The following UNC13C variants were observed in gnomAD, a reference collection of about 807,000 sequenced individuals.
UNC13C encodes the protein unc-13 homolog C, also known as protein unc-13 homolog C.
Under a neutral mutation model 245.4 loss-of-function variants are expected in UNC13C, and 174 were observed. The observed-to-expected ratio is 0.71, with a 90% CI of 0.63 to 0.80. The LOEUF is 0.80. UNC13C is among the 30% of genes least tolerant of loss of function. UNC13C has a pLI of 0.00. For missense variants in UNC13C, 2,829 were observed against 2,602.9 expected (o/e 1.09, Z -1.89); for synonymous variants, 992 against 895.1 (o/e 1.11, Z -1.93).
intron 2 of UNC13C, among the ~76,000 whole-genome samples, chr15:54,076,543 G>A (rs1464034146): frequency 6.6e-6 from 1 of 151,992 alleles, no homozygotes; most frequent in Admixed American, 6.5e-5. Context: ...GAAACATTCA[G>A]GTTAATTATT....
At chr15:54,125,441 C>T (rs75300986) in intron 2 of UNC13C, among the ~76,000 whole-genome samples, 4,825 of 152,022 alleles carry the variant, frequency 0.032, 122 homozygotes, top group East Asian at 0.092. Context: ...CCAGCCCGGG[C>T]GACAGTGTGA....
chr15:54,509,071 C>T (rs1894615783), intron 23 of UNC13C, among the ~76,000 whole-genome samples: 1 of 152,062 alleles, frequency 6.6e-6, no homozygotes, highest in African/African-American at 2.4e-5. Flanking sequence ...TGGTGGCGTG[C>T]ACCTGTAATC....
At chr15:54,527,816 T>A (rs1050665767) in intron 25 of UNC13C, among the ~76,000 whole-genome samples, 3 of 152,226 alleles carry the variant, frequency 2.0e-5, no homozygotes, top group African/African-American at 7.2e-5. Context: ...ATGGGCTACA[T>A]GTCATGCTTT....
chr15:54,285,550 A>G (rs961226124), intron 10 of UNC13C, among the ~76,000 whole-genome samples: 9 of 152,206 alleles, frequency 5.9e-5, no homozygotes, highest in African/African-American at 2.2e-4. Flanking sequence ...AGCTGTAACT[A>G]GAGAATTTAA....
intron 19 of UNC13C, among the ~76,000 whole-genome samples, chr15:54,469,034 A>C (rs976467720): frequency 6.6e-6 from 1 of 151,630 alleles, no homozygotes; most frequent in African/African-American, 2.4e-5. Context: ...AGCACTATGG[A>C]CATTTTAACA....
chr15:54,443,471 T>G (rs1289449004), intron 19 of UNC13C, among the ~76,000 whole-genome samples: 1 of 152,134 alleles, frequency 6.6e-6, no homozygotes, highest in African/African-American at 2.4e-5. Context: ...CTTGCTTTTC[T>G]TGTTTCTTGA....
intron 3 of UNC13C, among the ~76,000 whole-genome samples, chr15:54,143,350 G>A (rs2032111017): frequency 6.6e-6 from 1 of 152,114 alleles, no homozygotes; most frequent in Non-Finnish European, 1.5e-5. Context: ...TCTTCACTGT[G>A]CATATCAAGT....
At chr15:54,103,902 G>A (rs1305146147) in intron 2 of UNC13C, among the ~76,000 whole-genome samples, 1 of 152,086 alleles carries the variant, frequency 6.6e-6, no homozygotes, top group Non-Finnish European at 1.5e-5. Context: ...GTGCCACCAT[G>A]CCCAGCTAAT....
chr15:53,987,113 C>T (rs1296738102), intron 1 of UNC13C, among the ~76,000 whole-genome samples: 1 of 151,924 alleles, frequency 6.6e-6, no homozygotes, highest in African/African-American at 2.4e-5. Context: ...GTGTTTTCTA[C>T]AGTATAAAAT....
chr15:54,590,627 T>C (rs6493691), intron 30 of UNC13C, among the ~76,000 whole-genome samples: 21,181 of 152,256 alleles, frequency 0.14, 1,518 homozygotes, highest in Middle Eastern at 0.24. Flanking sequence ...GCTACTGATT[T>C]GTGTACATTA....
At chr15:54,133,984 C>T (rs190942349) in intron 2 of UNC13C, among the ~76,000 whole-genome samples, 142 of 152,024 alleles carry the variant, frequency 9.3e-4, no homozygotes, top group African/African-American at 3.3e-3. Context: ...ATTTGATATT[C>T]ATATACATTG....
At chr15:54,554,153 A>C (rs1253039543) in intron 28 of UNC13C, among the ~76,000 whole-genome samples, 1 of 152,038 alleles carries the variant, frequency 6.6e-6, no homozygotes, top group African/African-American at 2.4e-5. Flanking sequence ...AGTACAATCC[A>C]ATTACCAAAA....
intron 14 of UNC13C, among the ~76,000 whole-genome samples, chr15:54,328,793 A>G (rs921218292): frequency 6.6e-6 from 1 of 152,114 alleles, no homozygotes; most frequent in African/African-American, 2.4e-5. Flanking sequence ...CCCATAAGCT[A>G]AGAATATTTT....
chr15:54,571,259 C>T (rs1207232952), intron 30 of UNC13C, among the ~76,000 whole-genome samples: 5 of 152,150 alleles, frequency 3.3e-5, no homozygotes, highest in Admixed American at 3.3e-4. Flanking sequence ...ACAATCATGG[C>T]AGAAGACAAA....
At chr15:54,264,634 A>G (rs866142886) in intron 9 of UNC13C, among the ~76,000 whole-genome samples, 10 of 151,568 alleles carry the variant, frequency 6.6e-5, no homozygotes, top group African/African-American at 1.9e-4. Flanking sequence ...CTGTTTTTCA[A>G]TATATTCACC....
intron 7 of UNC13C, among the ~76,000 whole-genome samples, chr15:54,245,463 A>G (rs2035966635): frequency 6.6e-6 from 1 of 152,142 alleles, no homozygotes; most frequent in Non-Finnish European, 1.5e-5. Context: ...TCTCACATAG[A>G]TAGGATATAA....
intron 19 of UNC13C, among the ~76,000 whole-genome samples, chr15:54,487,196 C>G (rs74826297): frequency 6.6e-6 from 1 of 152,110 alleles, no homozygotes; most frequent in Non-Finnish European, 1.5e-5. Context: ...ACCCAGGGAT[C>G]CTGGATTCAT....
chr15:53,887,534 A>T, the UNC13C span, among the ~76,000 whole-genome samples: 1 of 152,028 alleles, frequency 6.6e-6, no homozygotes, highest in Admixed American at 6.6e-5. Context: ...TATGACATTA[A>T]TATTAGGCAA....
intron 2 of UNC13C, among the ~76,000 whole-genome samples, chr15:54,061,135 G>T (rs1442375031): frequency 6.9e-6 from 1 of 145,042 alleles, no homozygotes; most frequent in Non-Finnish European, 1.5e-5. Context: ...AAAAAAAAAG[G>T]AATCTAAATT....
Sources: gnomAD v4.1 joint callset for allele counts (sites outside exome capture counted in the v4.1 genomes callset) on GRCh38, gnomAD v4.1.1 for gene constraint, MANE v1.5 for transcripts, NCBI Gene and HGNC (gene_info 2026-07-23, HGNC 2026-07-21) for gene names.